Variants in ATXN1 observed in about 807,000 individuals in gnomAD.
The protein encoded by ATXN1 is ataxin-1.
Under a neutral mutation model 56.4 loss-of-function variants are expected in ATXN1, and 8 were observed. That is an observed-to-expected ratio of 0.14 (90% CI 0.08 to 0.26). The LOEUF (loss-of-function observed/expected upper bound fraction) is 0.26. Ranked by LOEUF, ATXN1 falls within the 10% of genes least tolerant of loss-of-function variation. The pLI, the probability that ATXN1 is intolerant of heterozygous loss-of-function variation, is 1.00. For synonymous variants in ATXN1, 514 were observed against 494.6 expected, an observed-to-expected ratio of 1.04 and a Z score of -0.52; for missense variants, 987 against 1,106.5, an observed-to-expected ratio of 0.89 and a Z score of 1.53.
intron 6 of ATXN1, among the ~76,000 whole-genome samples, chr6:16,455,901 T>C (rs1759857683): frequency 6.6e-6 from 1 of 152,038 alleles, no homozygotes. Context: ...CTCTGTAAAA[T>C]GCACCAATCA....
intron 2 of ATXN1, among the ~76,000 whole-genome samples, chr6:16,677,757 T>C (rs981225552): frequency 2.6e-5 from 4 of 152,224 alleles, no homozygotes; most frequent in African/African-American, 7.2e-5. Context: ...GGATGACTAA[T>C]TGTGAATGTA....
intron 6 of ATXN1, among the ~76,000 whole-genome samples, chr6:16,414,048 ACTT>A (rs1561886724): frequency 3.3e-5 from 5 of 152,242 alleles, no homozygotes; most frequent in Admixed American, 1.3e-4. Context: ...TAAGAAGCGA[ACTT>A]CTTTCTATAG....
chr6:16,504,017 A>C (rs374803020), intron 5 of ATXN1, among the ~76,000 whole-genome samples: 2 of 152,152 alleles, frequency 1.3e-5, no homozygotes, highest in South Asian at 2.1e-4. Flanking sequence ...TGAATGATCT[A>C]GGGTGTGGGG....
intron 6 of ATXN1, among the ~76,000 whole-genome samples, chr6:16,334,396 T>G (rs1162158633): frequency 6.6e-6 from 1 of 152,004 alleles, no homozygotes; most frequent in Admixed American, 6.6e-5. Flanking sequence ...TGAACAACCA[T>G]TTGGTAGGGT....
chr6:16,529,683 T>C (rs1032346516), intron 4 of ATXN1, among the ~76,000 whole-genome samples: 2 of 152,020 alleles, frequency 1.3e-5, no homozygotes, highest in Non-Finnish European at 2.9e-5. Flanking sequence ...CATATTATTA[T>C]GTGTTTCTCG....
intron 2 of ATXN1, among the ~76,000 whole-genome samples, chr6:16,727,026 G>C (rs1428543030): frequency 6.6e-6 from 1 of 152,120 alleles, no homozygotes. Flanking sequence ...ATCACAGTTT[G>C]AAACAGACAG....
At chr6:16,432,505 T>C (rs1451891182) in intron 6 of ATXN1, 2 of 152,200 alleles carry the variant, frequency 1.3e-5, no homozygotes, top group Non-Finnish European at 2.9e-5. Context: ...AGTTAAAACA[T>C]TTAAACTATA....
At chr6:16,581,218 TGTGTGTGC>T (rs778264203) in intron 4 of ATXN1, among the ~76,000 whole-genome samples, 3,481 of 137,276 alleles carry the variant, frequency 0.025, 59 homozygotes, top group Admixed American at 0.034. Flanking sequence ...TGTGTGTGTG[TGTGTGTGC>T]GCGCGTGTGT....
At chr6:16,347,249 C>T (rs1761433953) in intron 6 of ATXN1, among the ~76,000 whole-genome samples, 1 of 152,232 alleles carries the variant, frequency 6.6e-6, no homozygotes, top group Non-Finnish European at 1.5e-5. Flanking sequence ...GCAGGCAGCT[C>T]CACCTACTGC....
chr6:16,470,883 A>C (rs750662684), intron 6 of ATXN1, among the ~76,000 whole-genome samples: 3 of 152,154 alleles, frequency 2.0e-5, no homozygotes, highest in Non-Finnish European at 4.4e-5. Flanking sequence ...CCTTTGAAAA[A>C]TGCAATTATC....
intron 3 of ATXN1, chr6:16,615,357 T>G (rs911076048): frequency 1.1e-4 from 17 of 151,330 alleles, no homozygotes; most frequent in African/African-American, 4.1e-4. Flanking sequence ...AAGGGAGAAC[T>G]GTTACTATCA....
intron 2 of ATXN1, among the ~76,000 whole-genome samples, chr6:16,684,063 T>C (rs1029031179): frequency 2.0e-5 from 3 of 152,212 alleles, no homozygotes; most frequent in African/African-American, 7.2e-5. Flanking sequence ...CAGCCCATGA[T>C]CACGCTTGAA....
intron 7 of ATXN1, among the ~76,000 whole-genome samples, chr6:16,320,975 C>G (rs1760636934): frequency 6.6e-6 from 1 of 152,222 alleles, no homozygotes; most frequent in Non-Finnish European, 1.5e-5. Flanking sequence ...CTTCCATAAA[C>G]TCTTTTTAGA....
In ATXN1 at chr6:16,306,139, A is replaced by C. The variant is rs1418530630; in HGVS notation, c.*190T>G. 2 of 655,020 alleles carry C rather than the reference A, an allele frequency of 3.1e-6. No individual in the cohort carries two copies. The highest frequency in any genetic ancestry group is 4.9e-6 in the Non-Finnish European group (2 of 411,784). 40.6% of individuals were successfully genotyped at this position (655,020 alleles called of 1,614,324 possible). A position where few individuals can be genotyped will look rare whatever the true frequency, so the allele number is the denominator to read the frequency against. On this transcript the variant is annotated 3_prime_UTR_variant, in exon 8 of 8. Coordinates refer to ENST00000436367, the MANE Select transcript of ATXN1 (RefSeq NM_001128164.2). This position sits in a 1 kb window ranked among gnomAD's most constrained non-coding sequence, Gnocchi z 5.2. The stretch of plus-strand genomic sequence containing the variant: ...CCCTTCCTCCCGCCCGCTCACTGAC[A>C]GACACTCGTGGAAAAAGCATATGCA...
intron 4 of ATXN1, among the ~76,000 whole-genome samples, chr6:16,525,745 G>A (rs1048730448): frequency 7.9e-5 from 12 of 151,714 alleles, no homozygotes; most frequent in African/African-American, 2.9e-4. Flanking sequence ...TATTTTACAT[G>A]TCTGTATCAA....
chr6:16,674,051 T>TATATATATA (rs559330521), intron 2 of ATXN1, among the ~76,000 whole-genome samples: 3 of 151,942 alleles, frequency 2.0e-5, no homozygotes, highest in African/African-American at 2.4e-5. Flanking sequence ...CTAACGTGTT[T>TATATATATA]TATATATATA....
chr6:16,618,796 T>C (rs1763267571), intron 3 of ATXN1, among the ~76,000 whole-genome samples: 1 of 151,090 alleles, frequency 6.6e-6, no homozygotes, highest in South Asian at 2.1e-4. Flanking sequence ...ATTAATATGC[T>C]TGACTACACA....
intron 4 of ATXN1, among the ~76,000 whole-genome samples, chr6:16,575,572 T>C (rs1192199564): frequency 6.6e-6 from 1 of 152,236 alleles, no homozygotes; most frequent in Admixed American, 6.5e-5. Context: ...GTCCCTCATG[T>C]CTTAAGACAA....
intron 4 of ATXN1, among the ~76,000 whole-genome samples, chr6:16,554,837 C>T (rs1169415943): frequency 1.3e-5 from 2 of 152,148 alleles, no homozygotes; most frequent in Non-Finnish European, 2.9e-5. Flanking sequence ...GTGATGCACC[C>T]GCCTCAGCCT....
Sources: gnomAD v4.1 joint callset for allele counts (sites outside exome capture counted in the v4.1 genomes callset) on GRCh38, gnomAD v4.1.1 for gene constraint, Gnocchi (gnomAD v3.1) non-coding constraint, MANE v1.5 for transcripts, NCBI Gene and HGNC (gene_info 2026-07-23, HGNC 2026-07-21) for gene names.